VTI1A: variants seen among roughly 807,000 people sequenced by gnomAD.
VTI1A encodes vesicle transport through interaction with t-SNAREs 1A.
In VTI1A, 22 loss-of-function variants were observed where a neutral mutation model predicts 34.9. That is an observed-to-expected ratio of 0.63 (90% confidence interval 0.45 to 0.90). VTI1A has a LOEUF of 0.90. VTI1A is among the 40% of genes least tolerant of loss of function. VTI1A has a pLI of 0.00. For missense variants in VTI1A, 268 were observed against 275.6 expected, an observed-to-expected ratio of 0.97 and a Z score of 0.20; for synonymous variants, 87 against 97.3, an observed-to-expected ratio of 0.89 and a Z score of 0.62.
chr10:112,554,070 A>G (rs1399712098), intron 5 of VTI1A, among the ~76,000 whole-genome samples: 1 of 152,178 alleles, frequency 6.6e-6, no homozygotes, highest in Admixed American at 6.6e-5. Context: ...TTCCATATTA[A>G]TAGATACATT....
intron 5 of VTI1A, among the ~76,000 whole-genome samples, chr10:112,579,443 TG>T (rs1156556535): frequency 1.3e-5 from 2 of 152,166 alleles, no homozygotes; most frequent in African/African-American, 4.8e-5. Context: ...GGCTCACACC[TG>T]TAATCGCAGC....
chr10:112,729,134 C>T (rs1307017486), intron 7 of VTI1A, among the ~76,000 whole-genome samples: 1 of 151,966 alleles, frequency 6.6e-6, no homozygotes, highest in Non-Finnish European at 1.5e-5. Flanking sequence ...CTCATACAGG[C>T]CAACAGAGGG....
chr10:112,796,403 CAAA>C (rs34102399), intron 7 of VTI1A, among the ~76,000 whole-genome samples: 5 of 37,526 alleles, frequency 1.3e-4, no homozygotes, highest in Admixed American at 7.3e-4. Context: ...AAGACTCCGT[CAAA>C]AAAAAAAAAA....
At chr10:112,564,780 C>T (rs1311702522) in intron 5 of VTI1A, among the ~76,000 whole-genome samples, 1 of 152,014 alleles carries the variant, frequency 6.6e-6, no homozygotes, top group Non-Finnish European at 1.5e-5. Context: ...ATAAAGTTGA[C>T]TGTGTACAAT....
intron 3 of VTI1A, among the ~76,000 whole-genome samples, chr10:112,488,957 T>A (rs933876915): frequency 1.3e-5 from 2 of 152,208 alleles, no homozygotes; most frequent in Admixed American, 1.3e-4. Flanking sequence ...TTCTCGTGTT[T>A]TGGAACTTTG....
chr10:112,650,218 AT>A (rs1250053140), intron 5 of VTI1A, among the ~76,000 whole-genome samples: 3 of 151,998 alleles, frequency 2.0e-5, no homozygotes, highest in Non-Finnish European at 4.4e-5. Context: ...TCTATTTTTA[AT>A]TTTTTTTCCT....
At chr10:112,825,917 A>G in the VTI1A span, 1 of 152,218 alleles carries the variant, frequency 6.6e-6, no homozygotes, top group Non-Finnish European at 1.5e-5. Context: ...ACAATATAAA[A>G]AGGAATGGTA....
chr10:112,593,823 G>C lies in VTI1A; in HGVS notation c.427+55493G>C, dbSNP rs182947716. ...ACAATCTCGGCTCACTGCAAGCTTC[G>C]CCTCCCGGGCTCACGCCATTCTCCT... On this transcript the variant is annotated intron_variant, in intron 5 of 7. Coordinates refer to ENST00000393077, the MANE Select transcript of VTI1A (RefSeq NM_145206.4). Among the ~76,000 whole-genome samples, 475 of 152,094 alleles carry C rather than the reference G, an allele frequency of 3.1e-3. 3 individuals carry two copies. Among genetic ancestry groups the C allele is most frequent in the African/African-American group, 0.011 (458 of 41,484 alleles).
At chr10:112,717,104 C>T (rs180854068) in intron 7 of VTI1A, among the ~76,000 whole-genome samples, 181 of 152,302 alleles carry the variant, frequency 1.2e-3, no homozygotes, top group African/African-American at 4.2e-3. Context: ...CTAGAGATTC[C>T]ACCGAAGGGA....
At chr10:112,536,925 A>G (rs1423659525) in intron 4 of VTI1A, among the ~76,000 whole-genome samples, 1 of 152,058 alleles carries the variant, frequency 6.6e-6, no homozygotes, top group African/African-American at 2.4e-5. Flanking sequence ...GAAGCGAGAT[A>G]TTCTGTCAGC....
chr10:112,760,843 C>T (rs1251155913), intron 7 of VTI1A, among the ~76,000 whole-genome samples: 12 of 142,964 alleles, frequency 8.4e-5, no homozygotes, highest in South Asian at 6.8e-4. Flanking sequence ...GAGCGGAGAT[C>T]GTGCCACTGC....
intron 7 of VTI1A, chr10:112,736,800 T>C: frequency 1.4e-6 from 2 of 1,416,452 alleles, no homozygotes; most frequent in Non-Finnish European, 9.8e-7. Context: ...TGGAAATTAC[T>C]CAAACACGTA....
At chr10:112,776,945 T>A (rs1474889624) in intron 7 of VTI1A, among the ~76,000 whole-genome samples, 2 of 152,170 alleles carry the variant, frequency 1.3e-5, no homozygotes, top group African/African-American at 4.8e-5. Flanking sequence ...CCCAAAGTGC[T>A]GGGATTACAG....
At chr10:112,697,195 CTTTT>C (rs757143967) in intron 7 of VTI1A, among the ~76,000 whole-genome samples, 2 of 140,102 alleles carry the variant, frequency 1.4e-5, no homozygotes, top group South Asian at 2.3e-4. Flanking sequence ...TTCTTCTGTT[CTTTT>C]TTTTTTTTTT....
chr10:112,609,329 T>C (rs114397127), intron 5 of VTI1A, among the ~76,000 whole-genome samples: 20 of 152,316 alleles, frequency 1.3e-4, no homozygotes, highest in African/African-American at 4.8e-4. Context: ...GAAGGTAGTC[T>C]TAGCTTTGGA....
intron 7 of VTI1A, among the ~76,000 whole-genome samples, chr10:112,716,214 G>C (rs949764826): frequency 1.3e-5 from 2 of 152,192 alleles, no homozygotes; most frequent in African/African-American, 4.8e-5. Flanking sequence ...GAGATTTCCA[G>C]TTGAGATCAG....
chr10:112,630,500 C>T (rs1231193970), intron 5 of VTI1A, among the ~76,000 whole-genome samples: 3 of 152,160 alleles, frequency 2.0e-5, no homozygotes, highest in Non-Finnish European at 2.9e-5. Context: ...CCCAATGACC[C>T]TGTGTTGTAG....
the VTI1A span, among the ~76,000 whole-genome samples, chr10:112,829,628 C>G: frequency 6.6e-6 from 1 of 151,830 alleles, no homozygotes; most frequent in African/African-American, 2.4e-5. Flanking sequence ...GTGGCAGGCA[C>G]CTGTAGTCCT....
At chr10:112,755,160 G>T (rs1590154958) in intron 7 of VTI1A, among the ~76,000 whole-genome samples, 1 of 152,164 alleles carries the variant, frequency 6.6e-6, no homozygotes, top group South Asian at 2.1e-4. Context: ...GGAGGCTGAG[G>T]CACGAGAATC....
Sources: allele counts gnomAD v4.1 joint callset (sites outside exome capture counted in the v4.1 genomes callset), GRCh38; gene constraint gnomAD v4.1.1; transcripts MANE v1.5; gene names NCBI Gene and HGNC (gene_info 2026-07-23, HGNC 2026-07-21).